Variants in UNC5D observed in about 807,000 individuals in gnomAD.
UNC5D encodes the protein netrin receptor UNC5D.
Under a neutral mutation model 105.4 loss-of-function variants are expected in UNC5D, and 39 were observed. The ratio of observed to expected loss-of-function variants is 0.37; its 90% CI spans 0.29 to 0.48. The LOEUF (loss-of-function observed/expected upper bound fraction) is 0.48, where lower values mean the gene tolerates loss of function less well. Among genes scored for constraint, UNC5D ranks in the 20% least tolerant of loss-of-function variants. The pLI, the probability that UNC5D is intolerant of heterozygous loss-of-function variation, is 0.98. For synonymous variants in UNC5D, 452 were observed against 450.4 expected, an observed-to-expected ratio of 1.00 and a Z score of -0.04; for missense variants, 991 against 1,202.4, an observed-to-expected ratio of 0.82 and a Z score of 2.60.
intron 4 of UNC5D, among the ~76,000 whole-genome samples, chr8:35,610,924 A>G (rs1820634445): frequency 6.6e-6 from 1 of 151,192 alleles, no homozygotes; most frequent in Admixed American, 6.6e-5. Flanking sequence ...TTGTAATGCA[A>G]TTAATTAGCC....
chr8:35,389,434 C>CTT (rs1803631035), intron 1 of UNC5D, among the ~76,000 whole-genome samples: 1 of 152,144 alleles, frequency 6.6e-6, no homozygotes, highest in Non-Finnish European at 1.5e-5. Context: ...TTGGACCACA[C>CTT]TTTGAGTAAC....
intron 1 of UNC5D, among the ~76,000 whole-genome samples, chr8:35,236,509 C>T (rs1382811634): frequency 1.5e-5 from 2 of 130,610 alleles, no homozygotes; most frequent in African/African-American, 2.9e-5. Flanking sequence ...CCGGGATGAG[C>T]ACTTGGCCCG....
intron 11 of UNC5D, among the ~76,000 whole-genome samples, chr8:35,735,354 A>T (rs1829412077): frequency 6.6e-6 from 1 of 152,034 alleles, no homozygotes; most frequent in Non-Finnish European, 1.5e-5. Flanking sequence ...TTCTTTTTCC[A>T]ATTACACTGT....
At chr8:35,599,778 C>A (rs966090980) in intron 4 of UNC5D, among the ~76,000 whole-genome samples, 1 of 152,060 alleles carries the variant, frequency 6.6e-6, no homozygotes, top group African/African-American at 2.4e-5. Flanking sequence ...AGTCCTACAA[C>A]TAAAGAAATA....
rs528936034 is a variant in UNC5D, at chr8:35,365,487, G to A, written c.103+129600G>A. On this transcript the variant is annotated intron_variant, in intron 1 of 16. Transcript: ENST00000404895. Reference sequence around the variant, plus strand: ...TTTTAAGAAAAGATTCCAACTGGAAGCCCCTACAACATGTACTGCCACACA... The same window carrying A: ...TTTTAAGAAAAGATTCCAACTGGAAACCCCTACAACATGTACTGCCACACA... Among the ~76,000 whole-genome samples, 187 of 147,038 alleles carry A rather than the reference G, an allele frequency of 1.3e-3. 2 individuals are homozygous for A. The highest frequency in any genetic ancestry group is 1.0e-4 in the Non-Finnish European group (7 of 67,296).
At chr8:35,702,217 C>CA (rs1827252020) in intron 7 of UNC5D, among the ~76,000 whole-genome samples, 1 of 152,008 alleles carries the variant, frequency 6.6e-6, no homozygotes, top group African/African-American at 2.4e-5. Flanking sequence ...CTCTCACCTG[C>CA]AAGATATAGG....
At chr8:35,512,195 T>C (rs1019283719) in intron 1 of UNC5D, among the ~76,000 whole-genome samples, 1 of 151,868 alleles carries the variant, frequency 6.6e-6, no homozygotes, top group Admixed American at 6.6e-5. Flanking sequence ...AAAAGTTTAC[T>C]TTTCCCTTTC....
chr8:35,732,227 A>G (rs993015734), intron 11 of UNC5D, among the ~76,000 whole-genome samples: 1 of 152,198 alleles, frequency 6.6e-6, no homozygotes, highest in African/African-American at 2.4e-5. Context: ...ATTTCTATAA[A>G]AGGATTTGTT....
intron 12 of UNC5D, 130 bp downstream of exon 12, chr8:35,748,825 T>G (rs1451732301): frequency 7.8e-6 from 8 of 1,023,418 alleles, no homozygotes; most frequent in African/African-American, 3.3e-5. Flanking sequence ...AAGTGTTTTA[T>G]AATATCCTAA....
intron 3 of UNC5D, among the ~76,000 whole-genome samples, chr8:35,570,969 A>AAG (rs755909310): frequency 2.0e-5 from 3 of 151,602 alleles, no homozygotes; most frequent in Middle Eastern, 3.4e-3. Context: ...GAAAGAAAGA[A>AAG]AGAGAGAGAG....
At chr8:35,527,453 G>A (rs143042643) in intron 1 of UNC5D, among the ~76,000 whole-genome samples, 3,838 of 152,250 alleles carry the variant, frequency 0.025, 65 homozygotes, top group Non-Finnish European at 0.039. Flanking sequence ...TGTGTCTGGT[G>A]AGAGCCAGCT....
chr8:35,401,590 A>G (rs532946553), intron 1 of UNC5D, among the ~76,000 whole-genome samples: 1 of 152,252 alleles, frequency 6.6e-6, no homozygotes, highest in South Asian at 2.1e-4. Flanking sequence ...AGACTTCATA[A>G]TATCATATGT....
At chr8:35,669,897 C>T (rs1824666799) in intron 4 of UNC5D, among the ~76,000 whole-genome samples, 1 of 152,068 alleles carries the variant, frequency 6.6e-6, no homozygotes, top group African/African-American at 2.4e-5. Flanking sequence ...AGTAGTAAGT[C>T]TCTGAGTACC....
At chr8:35,737,252 CTGTGTG>C (rs369792188) in intron 11 of UNC5D, among the ~76,000 whole-genome samples, 4,454 of 119,822 alleles carry the variant, frequency 0.037, 119 homozygotes, top group East Asian at 0.12. Flanking sequence ...AAGATCTGCT[CTGTGTG>C]TGTGTGTGTG....
intron 1 of UNC5D, among the ~76,000 whole-genome samples, chr8:35,341,177 C>G (rs1054201436): frequency 5.3e-5 from 8 of 152,048 alleles, no homozygotes; most frequent in African/African-American, 1.7e-4. Context: ...TCTATTCATA[C>G]TGGAATAATT....
intron 4 of UNC5D, among the ~76,000 whole-genome samples, chr8:35,668,382 G>A (rs1329842596): frequency 6.6e-6 from 1 of 151,788 alleles, no homozygotes; most frequent in Non-Finnish European, 1.5e-5. Flanking sequence ...CCTTTATGTT[G>A]GTATAACGAC....
chr8:35,424,177 G>T (rs555937394), intron 1 of UNC5D, among the ~76,000 whole-genome samples: 1 of 151,844 alleles, frequency 6.6e-6, no homozygotes, highest in African/African-American at 2.4e-5. Context: ...ACAATGTATG[G>T]GAAAGAAAAT....
At chr8:35,579,764 T>G (rs1363809979) in intron 3 of UNC5D, among the ~76,000 whole-genome samples, 1 of 152,150 alleles carries the variant, frequency 6.6e-6, no homozygotes, top group Non-Finnish European at 1.5e-5. Flanking sequence ...TGCTAAGTGT[T>G]TAGATTTGTC....
At chr8:35,296,625 T>A (rs1303042435) in intron 1 of UNC5D, among the ~76,000 whole-genome samples, 2 of 152,188 alleles carry the variant, frequency 1.3e-5, no homozygotes, top group Non-Finnish European at 2.9e-5. Flanking sequence ...CTCACCATGT[T>A]GGTCAGGCTG....
Sources: gnomAD v4.1 joint callset for allele counts (sites outside exome capture counted in the v4.1 genomes callset) on GRCh38, gnomAD v4.1.1 for gene constraint, MANE v1.5 for transcripts, NCBI Gene and HGNC (gene_info 2026-07-23, HGNC 2026-07-21) for gene names.